BNC2: variants seen among roughly 807,000 people sequenced by gnomAD.
BNC2 encodes the protein zinc finger protein basonuclin-2.
BNC2 carries 20 observed loss-of-function variants against 76.3 expected under a neutral mutation model. The observed-to-expected ratio is 0.26, with a 90% CI of 0.18 to 0.38. The LOEUF is 0.38. BNC2 is among the 10% of genes least tolerant of loss of function. The probability of loss-of-function intolerance (pLI) is 1.00; values close to 1 mark genes in which losing one functional copy is unlikely to be tolerated. For missense variants in BNC2, 1,382 were observed against 1,399.8 expected (o/e 0.99, Z 0.20); for synonymous variants, 582 against 514.8 (o/e 1.13, Z -1.77).
chr9:16,780,235 C>CAAAAAAAAAAA (rs372583425), intron 1 of BNC2, among the ~76,000 whole-genome samples: 9 of 66,286 alleles, frequency 1.4e-4, no homozygotes, highest in Non-Finnish European at 2.2e-4. Flanking sequence ...GACTTCGTTT[C>CAAAAAAAAAAA]AAAAAAAAAA....
chr9:16,449,750 G>A (rs968773062), intron 5 of BNC2, among the ~76,000 whole-genome samples: 9 of 146,626 alleles, frequency 6.1e-5, no homozygotes, highest in African/African-American at 2.2e-4. Flanking sequence ...TTTCAGAGCT[G>A]ATAGCTTGGA....
intron 1 of BNC2, among the ~76,000 whole-genome samples, chr9:16,842,808 G>A (rs1030380033): frequency 4.6e-5 from 7 of 151,878 alleles, no homozygotes; most frequent in African/African-American, 1.7e-4. Flanking sequence ...CAGTCTTGCT[G>A]CAGTGCCATC....
intron 5 of BNC2, among the ~76,000 whole-genome samples, chr9:16,510,845 G>A (rs1211394737): frequency 1.3e-5 from 2 of 152,194 alleles, no homozygotes; most frequent in African/African-American, 4.8e-5. Flanking sequence ...GAGCTAGCTG[G>A]CTTCACTTTG....
rs1818312812 is a variant in BNC2 at position 16,820,949 on chromosome 9, C to T, written c.3+49697G>A. 3.3e-5 allele frequency among the ~76,000 whole-genome samples: 5 copies of T among 152,190 alleles called. No individual in the cohort carries two copies. In the South Asian group the frequency reaches 1.0e-3, roughly 32 times the overall value. ...GGCCAGGCGCAGTGTAATCCCAGAACTTTGGGAGGCCGAGGCAGGAGCACT... is the reference window on the plus strand; with the variant it reads ...GGCCAGGCGCAGTGTAATCCCAGAATTTTGGGAGGCCGAGGCAGGAGCACT... On this transcript the variant is annotated intron_variant, in intron 1 of 6. Coordinates refer to ENST00000380672, the MANE Select transcript of BNC2 (RefSeq NM_017637.6).
intron 5 of BNC2, among the ~76,000 whole-genome samples, chr9:16,540,257 C>T (rs1162351799): frequency 6.7e-6 from 1 of 148,760 alleles, no homozygotes; most frequent in Non-Finnish European, 1.5e-5. Context: ...CAAATATCTG[C>T]ATATAAAAAT....
At chr9:16,470,885 C>G (rs780347000) in intron 5 of BNC2, among the ~76,000 whole-genome samples, 1 of 152,238 alleles carries the variant, frequency 6.6e-6, no homozygotes, top group Non-Finnish European at 1.5e-5. Flanking sequence ...CACACAGAGT[C>G]CCTGCTAGGG....
At chr9:16,554,842 G>T (rs1301663462) in intron 4 of BNC2, among the ~76,000 whole-genome samples, 1 of 152,124 alleles carries the variant, frequency 6.6e-6, no homozygotes, top group African/African-American at 2.4e-5. Flanking sequence ...ATATGAAACT[G>T]ACAGGAGTCA....
At chr9:16,623,295 A>G (rs1009174238) in intron 3 of BNC2, among the ~76,000 whole-genome samples, 12 of 152,208 alleles carry the variant, frequency 7.9e-5, no homozygotes, top group Admixed American at 3.3e-4. Flanking sequence ...GAGAGGGCAT[A>G]TTGTACCAGA....
chr9:16,480,983 G>C (rs1822040983), intron 5 of BNC2, among the ~76,000 whole-genome samples: 1 of 152,204 alleles, frequency 6.6e-6, no homozygotes, highest in East Asian at 1.9e-4. Context: ...AGTCTGGTAG[G>C]GAAGTGAAGA....
Position 16,436,215 on chromosome 9 carries a change from G to A in BNC2, c.1979C>T (p.Pro660Leu). ...ADEFDDEDDD[P>L]NDGGAVVNDM... ...ATTGACCACAGCTCCACCATCATTG[G>A]GGTCATCATCTTCATCATCAAACTC... The change falls in exon 6 of 7, where the codon CCC becomes CTC. Residue 660 changes from proline to leucine, a missense_variant. This residue lies in a region of BNC2 where 798 missense variants were observed against 775.5 expected (regional missense o/e 1.03). Coordinates refer to ENST00000380672, the MANE Select transcript of BNC2 (RefSeq NM_017637.6). 6.2e-7 allele frequency: 1 copy of A among 1,614,094 alleles called. No homozygotes were observed. The highest frequency in any genetic ancestry group is 1.3e-5 in the African/African-American group (1 of 75,018).
rs1157674235 is a variant in BNC2 at position 16,412,666 on chromosome 9, G to A, written c.*6323C>T. 2 of 151,780 alleles carry A rather than the reference G, an allele frequency of 1.3e-5. No individual in the cohort carries two copies. The highest frequency in any genetic ancestry group is 3.0e-5 in the Non-Finnish European group (2 of 67,776). The allele number at this position is 151,780 out of a possible 1,614,324, so 9.4% of individuals were successfully genotyped here. A position where few individuals can be genotyped will look rare whatever the true frequency, so the allele number is the denominator to read the frequency against. On this transcript the variant is annotated 3_prime_UTR_variant, in exon 7 of 7. Coordinates refer to ENST00000380672, the MANE Select transcript of BNC2 (RefSeq NM_017637.6). ...GGCTTCCCACAGATACAGTAGGTGTGTGTATGTGCTTGTATGTTAGGAGGG... is the reference window on the plus strand; with the variant it reads ...GGCTTCCCACAGATACAGTAGGTGTATGTATGTGCTTGTATGTTAGGAGGG...
At position 16,438,193 on chromosome 9, in the gene BNC2, A is replaced by G. The variant is rs138214927; in HGVS notation, c.670-669T>C. Reference sequence around the variant, plus strand: ...AGAGTAAGAAAAACATCACTCATAAAAGGTAATTGTACTTTTCCTGAAAAT... The same window carrying G: ...AGAGTAAGAAAAACATCACTCATAAGAGGTAATTGTACTTTTCCTGAAAAT... On this transcript the variant is annotated intron_variant, in intron 5 of 6. Coordinates refer to ENST00000380672, the MANE Select transcript of BNC2 (RefSeq NM_017637.6). Among the ~76,000 whole-genome samples the G allele has an allele frequency of 1.1e-3, 171 of 152,304 alleles. 2 individuals carry two copies. The East Asian group carries it at 0.02, about 18-fold the overall frequency.
intron 5 of BNC2, among the ~76,000 whole-genome samples, chr9:16,520,348 A>C (rs1165207706): frequency 6.6e-6 from 1 of 152,220 alleles, no homozygotes; most frequent in Non-Finnish European, 1.5e-5. Context: ...AGCAAGAGAG[A>C]AAACCTTGAA....
Position 16,845,658 on chromosome 9 carries a change from T to TTGCA in BNC2, c.3+24984_3+24987dup, listed in dbSNP as rs548549221. Among the ~76,000 whole-genome samples, 26 of 151,840 alleles carry TTGCA rather than the reference T, an allele frequency of 1.7e-4. No homozygotes were observed. In the East Asian group the frequency reaches 2.5e-3, roughly 15 times the overall value. On this transcript the variant is annotated intron_variant, in intron 1 of 6. Coordinates refer to ENST00000380672, the MANE Select transcript of BNC2 (RefSeq NM_017637.6). ...ATGGCGTGAACTTGAGAGGCGGAGC[T>TTGCA]TGCAGTGAGCCGAGATCGCACCTCT...
chr9:16,565,034 G>C (rs1045681147), intron 4 of BNC2, among the ~76,000 whole-genome samples: 2 of 151,930 alleles, frequency 1.3e-5, no homozygotes. Flanking sequence ...CTTCTTTCTA[G>C]TCTAATTTAT....
In BNC2 at chr9:16,606,052, T is replaced by C. The variant is rs990252066; in HGVS notation, c.331-22967A>G. On this transcript the variant is annotated intron_variant, in intron 3 of 6. Coordinates refer to ENST00000380672, the MANE Select transcript of BNC2 (RefSeq NM_017637.6). ...ACCCATGGCGCCCAGTCAAGAACTT[T>C]TTTTAAACAAGCCATTTAGAGTGCC... Among the ~76,000 whole-genome samples the C allele has an allele frequency of 2.0e-5, 3 of 152,136 alleles. No homozygotes were observed. The East Asian group carries it at 5.8e-4, about 29-fold the overall frequency.
At chr9:16,464,846 C>T (rs557920892) in intron 5 of BNC2, among the ~76,000 whole-genome samples, 6 of 152,254 alleles carry the variant, frequency 3.9e-5, no homozygotes, top group African/African-American at 1.4e-4. Context: ...TAATCATGTT[C>T]TTCTTTCATA....
At chr9:16,465,434 C>CAA (rs34834563) in intron 5 of BNC2, among the ~76,000 whole-genome samples, 14,119 of 84,098 alleles carry the variant, frequency 0.17, 1,211 homozygotes, top group South Asian at 0.27. Flanking sequence ...ACTCCAACTC[C>CAA]AAAAAAAAAA....
intron 6 of BNC2, among the ~76,000 whole-genome samples, chr9:16,431,930 A>G (rs551719000): frequency 6.6e-6 from 1 of 152,242 alleles, no homozygotes; most frequent in South Asian, 2.1e-4. Context: ...TCACCCACCC[A>G]CCACTCACCT....
Sources: allele counts gnomAD v4.1 joint callset (sites outside exome capture counted in the v4.1 genomes callset), GRCh38; gene constraint gnomAD v4.1.1; regional missense constraint gnomAD v4.1.1; transcripts MANE v1.5; gene names NCBI Gene and HGNC (gene_info 2026-07-23, HGNC 2026-07-21).